Variants in SLC4A10 observed in about 807,000 individuals in gnomAD.
The protein encoded by SLC4A10 is sodium-driven chloride bicarbonate exchanger.
A neutral mutation model predicts 137.7 loss-of-function variants in SLC4A10; 42 were observed. That is an observed-to-expected ratio of 0.30 (90% CI 0.24 to 0.39). The LOEUF (loss-of-function observed/expected upper bound fraction) is 0.39, where lower values mean the gene tolerates loss of function less well. SLC4A10 is among the 10% of genes least tolerant of loss of function. The pLI is 1.00. For missense variants in SLC4A10, 925 were observed against 1,355.0 expected (o/e 0.68, Z 4.98); for synonymous variants, 474 against 464.1 (o/e 1.02, Z -0.27).
At chr2:161,911,282 A>G (rs562328770) in intron 15 of SLC4A10, among the ~76,000 whole-genome samples, 2 of 152,204 alleles carry the variant, frequency 1.3e-5, no homozygotes, top group African/African-American at 4.8e-5. Context: ...TGAAATTGTT[A>G]ATATGCAATA....
At position 161,949,232 on chromosome 2, in the gene SLC4A10, C is replaced by T; in HGVS notation, c.2350C>T (p.Pro784Ser). 3 of 1,611,020 alleles carry T rather than the reference C, an allele frequency of 1.9e-6. No individual in the cohort carries two copies. The highest frequency in any genetic ancestry group is 2.5e-6 in the Non-Finnish European group (3 of 1,177,972). Residue 784 changes from proline (P) to serine (S), a missense_variant, in exon 18 of 27, where the codon CCA becomes TCA. This residue lies in a region of SLC4A10 where 82 missense variants were observed against 151.4 expected (regional missense o/e 0.54). Coordinates refer to ENST00000446997, the MANE Select transcript of SLC4A10 (RefSeq NM_001178015.2). The stretch of plus-strand genomic sequence containing the variant: ...TGACTATGCCATTGGGATCCCATCT[C>T]CAAAACTACAAGTACCAAGTGTTTT... The part of the protein sequence containing the change: ...LIDYAIGIPS[P>S]KLQVPSVFKP...
intron 2 of SLC4A10, among the ~76,000 whole-genome samples, chr2:161,791,870 T>G (rs1359854477): frequency 6.6e-6 from 1 of 152,174 alleles, no homozygotes; most frequent in Non-Finnish European, 1.5e-5. Context: ...CTAAATTATT[T>G]TTCTAAATTT....
intron 6 of SLC4A10, among the ~76,000 whole-genome samples, chr2:161,867,936 G>A (rs2125910932): frequency 6.6e-6 from 1 of 151,952 alleles, no homozygotes; most frequent in Admixed American, 6.6e-5. Context: ...ATGCGTTGAA[G>A]GTTTCTGAGG....
At position 161,933,183 on chromosome 2, in the gene SLC4A10, T is replaced by TTTTTTTCTTTCTTTC. The variant is rs1339338924; in HGVS notation, c.1998-9606_1998-9605insTTTCTTTCTTTCTTT. Among the ~76,000 whole-genome samples, 78 of 97,684 alleles carry TTTTTTTCTTTCTTTC rather than the reference T, an allele frequency of 8.0e-4. 3 individuals carry two copies. The highest frequency in any genetic ancestry group is 4.8e-3 in the Middle Eastern group (1 of 208). The allele number at this position is 97,684 out of a possible 152,430, so 64.1% of individuals were successfully genotyped here. On this transcript the variant is annotated intron_variant, in intron 15 of 26. Transcript: ENST00000446997. ...CTTTCTTTCTCTTTCCCCTTCCTTCTTTTCTTTCTTTCTTTCTTTCTTTCT... is the reference window on the plus strand; with the variant it reads ...CTTTCTTTCTCTTTCCCCTTCCTTCTTTTTTTCTTTCTTTCTTTCTTTCTTTCTTTCTTTCTTTCT...
intron 12 of SLC4A10, chr2:161,902,233 C>A: frequency 3.1e-6 from 1 of 320,384 alleles, no homozygotes; most frequent in South Asian, 2.6e-5. Context: ...AGTACTATAA[C>A]AACTATTCAG....
chr2:161,775,164 G>A (rs1028582968), intron 2 of SLC4A10, among the ~76,000 whole-genome samples: 3 of 151,934 alleles, frequency 2.0e-5, no homozygotes, highest in Non-Finnish European at 1.5e-5. Context: ...CATCCTAGAG[G>A]ATGATAATGG....
At chr2:161,647,680 A>G (rs559381495) in intron 1 of SLC4A10, among the ~76,000 whole-genome samples, 1 of 152,306 alleles carries the variant, frequency 6.6e-6, no homozygotes, top group East Asian at 1.9e-4. Context: ...GCTAACCATA[A>G]AAGTATTAGC....
intron 3 of SLC4A10, among the ~76,000 whole-genome samples, chr2:161,808,474 A>C (rs1173927453): frequency 6.6e-6 from 1 of 151,938 alleles, no homozygotes; most frequent in Non-Finnish European, 1.5e-5. Context: ...TTGTTACATA[A>C]GTATGTTGTG....
At chr2:161,625,120 C>G (rs1173111986) in intron 1 of SLC4A10, among the ~76,000 whole-genome samples, 1 of 149,356 alleles carries the variant, frequency 6.7e-6, no homozygotes, top group Non-Finnish European at 1.5e-5. Flanking sequence ...TGTTCTGTCT[C>G]TTTCTCAAAG....
chr2:161,696,912 A>G (rs990208248), intron 1 of SLC4A10, among the ~76,000 whole-genome samples: 3 of 152,172 alleles, frequency 2.0e-5, no homozygotes, highest in African/African-American at 4.8e-5. Flanking sequence ...ACTAGTTTAC[A>G]GTTCCACCAA....
At chr2:161,780,889 A>G (rs1436036644) in intron 2 of SLC4A10, among the ~76,000 whole-genome samples, 2 of 152,076 alleles carry the variant, frequency 1.3e-5, no homozygotes, top group Non-Finnish European at 1.5e-5. Context: ...TAAAAAATAC[A>G]TATCTAAAAG....
At chr2:161,625,177 G>T (rs1315706228) in intron 1 of SLC4A10, among the ~76,000 whole-genome samples, 1 of 151,434 alleles carries the variant, frequency 6.6e-6, no homozygotes, top group South Asian at 2.1e-4. Context: ...CATTTTTGGG[G>T]GACAGGCACA....
At chr2:161,812,247 C>T (rs906167374) in intron 3 of SLC4A10, among the ~76,000 whole-genome samples, 18 of 152,022 alleles carry the variant, frequency 1.2e-4, no homozygotes, top group Admixed American at 5.9e-4. Flanking sequence ...GAATAGTTTT[C>T]CACCTAGGGA....
At chr2:161,853,468 G>A (rs2059934985) in intron 4 of SLC4A10, among the ~76,000 whole-genome samples, 1 of 152,144 alleles carries the variant, frequency 6.6e-6, no homozygotes, top group Admixed American at 6.5e-5. Flanking sequence ...CTCATTTCCA[G>A]ATTTAATCAC....
chr2:161,913,131 A>G (rs978962210), intron 15 of SLC4A10, among the ~76,000 whole-genome samples: 5 of 152,172 alleles, frequency 3.3e-5, no homozygotes, highest in Non-Finnish European at 7.4e-5. Flanking sequence ...ATGTATGTCT[A>G]TGTAACTGAA....
Position 161,624,971 on chromosome 2 carries a change from T to C in SLC4A10, c.48+405T>C, listed in dbSNP as rs186543218. On this transcript the variant is annotated intron_variant, in intron 1 of 26. Transcript: ENST00000446997. ...TAATCCCTATCGAATTTCCTCCCCC[T>C]GCCTCATCCCCAGGCAGTGAGGTGA... 6.9e-4 allele frequency among the ~76,000 whole-genome samples: 105 copies of C among 152,102 alleles called. No homozygotes were observed. The East Asian group carries it at 0.012, about 17-fold the overall frequency.
intron 1 of SLC4A10, among the ~76,000 whole-genome samples, chr2:161,641,390 GC>G (rs919076032): frequency 4.7e-5 from 7 of 150,424 alleles, no homozygotes; most frequent in Admixed American, 2.0e-4. Flanking sequence ...AAATTGCTAA[GC>G]CCCCCTATAT....
At chr2:161,705,506 C>G (rs2043560353) in intron 1 of SLC4A10, among the ~76,000 whole-genome samples, 1 of 151,500 alleles carries the variant, frequency 6.6e-6, no homozygotes, top group South Asian at 2.1e-4. Context: ...ATAGAGTTAC[C>G]CTCAATGTAC....
intron 1 of SLC4A10, among the ~76,000 whole-genome samples, chr2:161,735,100 C>T (rs997868923): frequency 6.6e-6 from 1 of 150,552 alleles, no homozygotes; most frequent in South Asian, 2.1e-4. Context: ...TTAAATTACC[C>T]AGTATCAGGT....
Sources: allele counts gnomAD v4.1 joint callset (sites outside exome capture counted in the v4.1 genomes callset), GRCh38; gene constraint gnomAD v4.1.1; regional missense constraint gnomAD v4.1.1; transcripts MANE v1.5; gene names NCBI Gene and HGNC (gene_info 2026-07-23, HGNC 2026-07-21).